The following DOCK2 variants were observed in gnomAD, a reference collection of about 807,000 sequenced individuals.
DOCK2 encodes dedicator of cytokinesis 2, also known as dedicator of cytokinesis protein 2.
Under a neutral mutation model 248.9 loss-of-function variants are expected in DOCK2, and 87 were observed. The observed-to-expected ratio is 0.35, with a 90% CI of 0.29 to 0.42. The LOEUF is 0.42. DOCK2 is among the 10% of genes least tolerant of loss of function. The pLI, the probability that DOCK2 is intolerant of heterozygous loss-of-function variation, is 1.00. For missense variants in DOCK2, 1,747 were observed against 2,300.2 expected (o/e 0.76, Z 4.92); for synonymous variants, 805 against 821.6 (o/e 0.98, Z 0.35).
chr5:170,023,778 C>T (rs979981494), intron 33 of DOCK2, among the ~76,000 whole-genome samples: 4 of 152,186 alleles, frequency 2.6e-5, no homozygotes, highest in East Asian at 1.9e-4. Context: ...TTGATGTCAT[C>T]CTTGTCATCT....
intron 23 of DOCK2, among the ~76,000 whole-genome samples, chr5:169,757,348 T>A (rs1301913612): frequency 7.2e-6 from 1 of 139,580 alleles, no homozygotes; most frequent in African/African-American, 3.1e-5. Flanking sequence ...ATTAAAATTA[T>A]GAAAAGTTCT....
intron 1 of DOCK2, among the ~76,000 whole-genome samples, chr5:169,637,865 A>C (rs1283755514): frequency 6.6e-6 from 1 of 152,176 alleles, no homozygotes; most frequent in Admixed American, 6.5e-5. Flanking sequence ...TCCAGAGGGC[A>C]GCTCAAGCTT....
chr5:169,726,719 G>A (rs1235433531), intron 22 of DOCK2, among the ~76,000 whole-genome samples: 1 of 152,154 alleles, frequency 6.6e-6, no homozygotes, highest in East Asian at 1.9e-4. Flanking sequence ...TCAAGTATTG[G>A]CAATGTAGTG....
At chr5:169,778,695 A>G (rs901875404) in intron 25 of DOCK2, among the ~76,000 whole-genome samples, 1 of 152,182 alleles carries the variant, frequency 6.6e-6, no homozygotes, top group Non-Finnish European at 1.5e-5. Context: ...GGGCATATCG[A>G]GTGTTTGAGC....
intron 27 of DOCK2, among the ~76,000 whole-genome samples, chr5:169,965,063 T>TGC (rs1777245361): frequency 6.6e-6 from 1 of 152,236 alleles, no homozygotes; most frequent in Non-Finnish European, 1.5e-5. Context: ...CCCTACTGTG[T>TGC]GCCACTTGCT....
Position 169,685,661 on chromosome 5 carries a change from A to T in DOCK2, c.761+1311A>T, listed in dbSNP as rs371207579. Among the ~76,000 whole-genome samples, 38 of 152,324 alleles carry T rather than the reference A, an allele frequency of 2.5e-4. No homozygotes were observed. In the East Asian group the frequency reaches 6.0e-3, roughly 24 times the overall value. On this transcript the variant is annotated intron_variant, in intron 8 of 51. Transcript: ENST00000520908. ...TAAATGAACGAATACACCATGCCTGAGGAATAGTGGTGCTTTAGTAAACAG... is the reference window on the plus strand; with the variant it reads ...TAAATGAACGAATACACCATGCCTGTGGAATAGTGGTGCTTTAGTAAACAG...
chr5:169,711,893 C>A, intron 15 of DOCK2, 42 bp from the exon 16 acceptor site: 1 of 1,611,486 alleles, frequency 6.2e-7, no homozygotes, highest in African/African-American at 1.3e-5. Context: ...GGGGAGGGCC[C>A]TTTAACTCAT....
intron 32 of DOCK2, among the ~76,000 whole-genome samples, chr5:170,012,822 C>A (rs561892531): frequency 6.6e-6 from 1 of 152,376 alleles, no homozygotes; most frequent in African/African-American, 2.4e-5. Flanking sequence ...TGGGTTAACA[C>A]TGAGCTGCTG....
chr5:170,031,081 T>A (rs1756119854), intron 34 of DOCK2, among the ~76,000 whole-genome samples: 1 of 152,272 alleles, frequency 6.6e-6, no homozygotes, highest in Non-Finnish European at 1.5e-5. Flanking sequence ...CGCTCATTGA[T>A]CCACGTATAT....
chr5:169,796,206 G>C (rs60014790), intron 25 of DOCK2, among the ~76,000 whole-genome samples: 2 of 152,262 alleles, frequency 1.3e-5, no homozygotes, highest in African/African-American at 4.8e-5. Flanking sequence ...GAGAAGTACC[G>C]TGCACTACAC....
intron 2 of DOCK2, among the ~76,000 whole-genome samples, chr5:169,657,105 A>G (rs1167839593): frequency 1.3e-5 from 2 of 152,230 alleles, no homozygotes; most frequent in South Asian, 2.1e-4. Context: ...GAAATATCAT[A>G]TCTCCTGGTA....
intron 25 of DOCK2, among the ~76,000 whole-genome samples, chr5:169,792,488 T>G (rs182379818): frequency 1.8e-3 from 274 of 151,922 alleles, no homozygotes; most frequent in South Asian, 2.9e-3. Context: ...TACGTAAATA[T>G]TTTTTAAAGA....
intron 33 of DOCK2, among the ~76,000 whole-genome samples, chr5:170,026,648 A>T (rs749818322): frequency 7.9e-5 from 12 of 152,222 alleles, no homozygotes; most frequent in Non-Finnish European, 1.2e-4. Flanking sequence ...TTTGCAACAA[A>T]ATCATGTTAA....
Position 169,879,712 on chromosome 5 carries a change from C to T in DOCK2, c.2799+38860C>T, listed in dbSNP as rs143973863. ...TAGCCAAATATTGTCACTTTTAATT[C>T]GGTTTAGAATATCAGAATGTCAGAA... is the stretch of plus-strand genomic sequence containing the variant. On this transcript the variant is annotated intron_variant, in intron 27 of 51. Transcript: ENST00000520908. Among the ~76,000 whole-genome samples the T allele has an allele frequency of 3.1e-4, 47 of 152,190 alleles. No homozygotes were observed. The East Asian group carries it at 4.3e-3, about 14-fold the overall frequency.
chr5:170,009,409 G>A (rs565434607), intron 32 of DOCK2, among the ~76,000 whole-genome samples: 40 of 152,168 alleles, frequency 2.6e-4, no homozygotes, highest in Non-Finnish European at 4.9e-4. Context: ...GAAGTAACTT[G>A]CTTGAAATCA....
At chr5:169,830,851 A>G (rs900864075) in intron 26 of DOCK2, among the ~76,000 whole-genome samples, 4 of 152,178 alleles carry the variant, frequency 2.6e-5, no homozygotes, top group Admixed American at 6.5e-5. Context: ...CCAAGGTTAC[A>G]TCTATAGCCC....
chr5:169,674,055 C>A (rs775776585), intron 5 of DOCK2, among the ~76,000 whole-genome samples: 1 of 152,234 alleles, frequency 6.6e-6, no homozygotes, highest in Non-Finnish European at 1.5e-5. Context: ...AGAAATCACT[C>A]ATTCCTTAAC....
chr5:169,820,968 G>A (rs1480659333), intron 26 of DOCK2, among the ~76,000 whole-genome samples: 6 of 152,204 alleles, frequency 3.9e-5, no homozygotes, highest in East Asian at 3.8e-4. Context: ...ACTACGTGAC[G>A]AATGCACAAG....
At chr5:170,073,277 T>C (rs1045266765) in intron 46 of DOCK2, among the ~76,000 whole-genome samples, 1 of 152,042 alleles carries the variant, frequency 6.6e-6, no homozygotes, top group Non-Finnish European at 1.5e-5. Context: ...AAATTGACCA[T>C]ATATGTGTTT....
Sources: allele counts gnomAD v4.1 joint callset (sites outside exome capture counted in the v4.1 genomes callset), GRCh38; gene constraint gnomAD v4.1.1; transcripts MANE v1.5; gene names NCBI Gene and HGNC (gene_info 2026-07-23, HGNC 2026-07-21).